TTC7A: variants seen among roughly 807,000 people sequenced by gnomAD.
The protein encoded by TTC7A is tetratricopeptide repeat domain 7A, also known as tetratricopeptide repeat protein 7A.
Under a neutral mutation model 103.7 loss-of-function variants are expected in TTC7A, and 110 were observed. The observed-to-expected ratio is 1.06, with a 90% CI of 0.91 to 1.24. The LOEUF (loss-of-function observed/expected upper bound fraction) is 1.24, where lower values mean the gene tolerates loss of function less well. TTC7A is among the 50% of genes most tolerant of loss of function. The pLI is 0.00. For synonymous variants in TTC7A, 521 were observed against 467.9 expected (o/e 1.11, Z -1.47); for missense variants, 1,340 against 1,116.3 (o/e 1.20, Z -2.86).
chr2:47,069,855 G>A (rs1684514700), intron 19 of TTC7A, among the ~76,000 whole-genome samples: 1 of 152,232 alleles, frequency 6.6e-6, no homozygotes, highest in African/African-American at 2.4e-5. Flanking sequence ...CCAAACGCAG[G>A]CTCCAGGGAC....
intron 2 of TTC7A, among the ~76,000 whole-genome samples, chr2:46,918,025 A>G (rs1257535993): frequency 4.6e-5 from 7 of 152,170 alleles, no homozygotes; most frequent in Admixed American, 1.3e-4. Context: ...GATACCATTT[A>G]TAAATAGATG....
intron 19 of TTC7A, among the ~76,000 whole-genome samples, chr2:47,068,889 A>G (rs1684417319): frequency 2.9e-5 from 1 of 34,500 alleles, no homozygotes; most frequent in Admixed American, 2.8e-4. Flanking sequence ...AAAAAAAAAG[A>G]AAGACTCACC....
chr2:46,932,559 A>G (rs2103846344), intron 2 of TTC7A, among the ~76,000 whole-genome samples: 1 of 152,242 alleles, frequency 6.6e-6, no homozygotes, highest in East Asian at 1.9e-4. Flanking sequence ...ATGTTTTTAA[A>G]AGAGAAGAAA....
intron 18 of TTC7A, chr2:47,054,052 T>C: frequency 2.1e-6 from 2 of 948,140 alleles, no homozygotes; most frequent in Non-Finnish European, 2.5e-6. Flanking sequence ...TTTCAGTCAT[T>C]TGCACATGAG....
chr2:47,003,076 C>T (rs1677004998), intron 8 of TTC7A, among the ~76,000 whole-genome samples: 1 of 152,214 alleles, frequency 6.6e-6, no homozygotes, highest in Non-Finnish European at 1.5e-5. Flanking sequence ...TCCACCCCTC[C>T]CTCTGCCAGA....
intron 15 of TTC7A, among the ~76,000 whole-genome samples, chr2:47,044,189 C>T (rs1682063271): frequency 6.6e-6 from 1 of 152,226 alleles, no homozygotes; most frequent in Non-Finnish European, 1.5e-5. Flanking sequence ...AGTCCCACTC[C>T]ACCCTGCTTT....
At chr2:46,924,236 C>CAA (rs754779483) in intron 2 of TTC7A, among the ~76,000 whole-genome samples, 2 of 142,572 alleles carry the variant, frequency 1.4e-5, no homozygotes, top group South Asian at 2.2e-4. Flanking sequence ...CTAAAGGAAC[C>CAA]AAAAAAAAAA....
chr2:46,960,332 C>G (rs1020659965), intron 3 of TTC7A, among the ~76,000 whole-genome samples: 2 of 152,226 alleles, frequency 1.3e-5, no homozygotes, highest in Admixed American at 6.5e-5. Flanking sequence ...CCCTGCCTGT[C>G]AGAATCCCCT....
intron 2 of TTC7A, among the ~76,000 whole-genome samples, chr2:46,932,563 G>T (rs911231482): frequency 4.6e-5 from 7 of 151,934 alleles, no homozygotes; most frequent in African/African-American, 1.7e-4. Context: ...TTTTAAAAGA[G>T]AAGAAAAAGA....
chr2:47,011,359 AGT>A lies in TTC7A; in HGVS notation c.1322_1323del (p.Val441GlufsTer57), dbSNP rs762466884. On this transcript the variant is annotated frameshift_variant, in exon 11 of 20. Transcript: ENST00000319190. LOFTEE classifies it high-confidence loss of function. Reference sequence around the variant, plus strand: ...GCCTACGCTGTGTCCCTGCTGCGGGAGTGTGTGAAGTTGCGGCCCTCGGACCC... The same window carrying A: ...GCCTACGCTGTGTCCCTGCTGCGGGAGTGTGAAGTTGCGGCCCTCGGACCC... 5.6e-6 allele frequency: 9 copies of A among 1,612,468 alleles called. No homozygotes were observed. Among genetic ancestry groups the A allele is most frequent in the African/African-American group, 1.3e-5 (1 of 74,668 alleles).
At chr2:46,930,497 A>C (rs1669636439) in intron 2 of TTC7A, among the ~76,000 whole-genome samples, 2 of 132,056 alleles carry the variant, frequency 1.5e-5, no homozygotes, top group African/African-American at 2.9e-5. Context: ...AAGTCCTATA[A>C]TTTTTTTTTT....
At chr2:46,982,520 A>T (rs1440584293) in intron 5 of TTC7A, among the ~76,000 whole-genome samples, 1 of 152,250 alleles carries the variant, frequency 6.6e-6, no homozygotes, top group Non-Finnish European at 1.5e-5. Flanking sequence ...TCTTATGACA[A>T]GCCTGTGTGT....
At chr2:46,995,266 C>A (rs889558435) in intron 8 of TTC7A, 67 bp downstream of exon 8, 12 of 1,527,964 alleles carry the variant, frequency 7.9e-6, no homozygotes, top group East Asian at 2.3e-5. Context: ...CTGTGGGGCC[C>A]AGGTACAGGC....
At chr2:46,923,193 G>C (rs1198839923) in intron 2 of TTC7A, among the ~76,000 whole-genome samples, 1 of 152,158 alleles carries the variant, frequency 6.6e-6, no homozygotes, top group African/African-American at 2.4e-5. Flanking sequence ...TGTTATTTTG[G>C]ATTTTTATGG....
chr2:47,073,040 A>G (rs987505876), intron 19 of TTC7A, among the ~76,000 whole-genome samples: 1 of 152,028 alleles, frequency 6.6e-6, no homozygotes, highest in Non-Finnish European at 1.5e-5. Flanking sequence ...CTTTCAGCCA[A>G]TCCAGCCCGT....
intron 6 of TTC7A, among the ~76,000 whole-genome samples, chr2:46,993,766 C>G (rs1675874531): frequency 6.6e-6 from 1 of 152,136 alleles, no homozygotes; most frequent in Admixed American, 6.5e-5. Context: ...GATCTACTGC[C>G]AGCGCTTCCC....
At chr2:47,015,985 G>A (rs1036292) in intron 11 of TTC7A, among the ~76,000 whole-genome samples, 94,015 of 152,024 alleles carry the variant, frequency 0.62, 29,521 homozygotes, top group East Asian at 0.8. Flanking sequence ...AAAACTCTGC[G>A]GGCTCAGAAA....
rs1443804124 is a variant in TTC7A at position 46,917,278 on chromosome 2, G to A, written c.82+1G>A. 1 of 677,960 alleles carries A rather than the reference G, an allele frequency of 1.5e-6. No homozygotes were observed. The highest frequency in any genetic ancestry group is 2.7e-6 in the Non-Finnish European group (1 of 377,244). 42.0% of individuals were successfully genotyped at this position (677,960 alleles called of 1,614,324 possible). A position where few individuals can be genotyped will look rare whatever the true frequency, so the allele number is the denominator to read the frequency against. ...CTCCCAAAGTGCTGGGATTACAGGG[G>A]TGAGCCACCGCGCCGGGACAAAGAA... On this transcript the variant is annotated splice_donor_variant, in intron 2 of 20. Coordinates refer to the TTC7A transcript ENST00000409245. LOFTEE classifies it high-confidence loss of function.
intron 15 of TTC7A, among the ~76,000 whole-genome samples, chr2:47,036,132 G>A (rs538574889): frequency 1.3e-5 from 2 of 152,324 alleles, no homozygotes; most frequent in South Asian, 4.1e-4. Context: ...CTGCAGGGAG[G>A]GAAGCCGAGA....
Sources: gnomAD v4.1 joint callset for allele counts (sites outside exome capture counted in the v4.1 genomes callset) on GRCh38, gnomAD v4.1.1 for gene constraint, MANE v1.5 for transcripts, NCBI Gene and HGNC (gene_info 2026-07-23, HGNC 2026-07-21) for gene names.